The following EYA4 variants were observed in gnomAD, a reference collection of about 807,000 sequenced individuals.
EYA4 encodes protein phosphatase EYA4.
EYA4 carries 31 observed loss-of-function variants against 87.9 expected under a neutral mutation model. The observed-to-expected ratio is 0.35, with a 90% confidence interval of 0.27 to 0.48. The LOEUF (loss-of-function observed/expected upper bound fraction) is 0.48, where lower values mean the gene tolerates loss of function less well. EYA4 is among the 20% of genes least tolerant of loss of function. The pLI is 0.99. For synonymous variants in EYA4, 263 were observed against 270.6 expected, an observed-to-expected ratio of 0.97 and a Z score of 0.28; for missense variants, 678 against 761.4, an observed-to-expected ratio of 0.89 and a Z score of 1.29.
chr6:133,254,131 G>A (rs559022189), intron 1 of EYA4, among the ~76,000 whole-genome samples: 4 of 152,282 alleles, frequency 2.6e-5, no homozygotes, highest in African/African-American at 7.2e-5. Context: ...AAACAGGTAT[G>A]TCCGGCGTAC....
chr6:133,377,286 A>G lies in EYA4; in HGVS notation c.34-5106A>G, dbSNP rs181868711. The stretch of plus-strand genomic sequence containing the variant: ...TCATTTTACTCTCAATATCAAAAAT[A>G]CTAAGATATTCTACTTCCTCTTTTT... On this transcript the variant is annotated intron_variant, in intron 2 of 19. Transcript: ENST00000355286. 2.3e-3 allele frequency among the ~76,000 whole-genome samples: 353 copies of G among 152,220 alleles called. 3 individuals are homozygous for G. Among genetic ancestry groups the G allele is most frequent in the Non-Finnish European group, 4.1e-3 (279 of 67,972 alleles).
At chr6:133,414,220 A>G (rs2128547401) in intron 3 of EYA4, among the ~76,000 whole-genome samples, 1 of 151,660 alleles carries the variant, frequency 6.6e-6, no homozygotes, top group Admixed American at 6.6e-5. Flanking sequence ...GCTCATCTCC[A>G]TGTCTTGGTT....
intron 13 of EYA4, among the ~76,000 whole-genome samples, chr6:133,489,622 A>T (rs1359370971): frequency 2.1e-5 from 3 of 144,340 alleles, no homozygotes; most frequent in Non-Finnish European, 4.5e-5. Flanking sequence ...CTGAAGGATT[A>T]AAAAAAAAAA....
chr6:133,399,918 G>A (rs1788116045), intron 3 of EYA4, among the ~76,000 whole-genome samples: 2 of 152,218 alleles, frequency 1.3e-5, no homozygotes, highest in South Asian at 4.1e-4. Flanking sequence ...TATAATTACT[G>A]GGAAAACATA....
intron 11 of EYA4, among the ~76,000 whole-genome samples, chr6:133,469,960 G>C (rs896584930): frequency 1.3e-5 from 2 of 151,676 alleles, no homozygotes; most frequent in Non-Finnish European, 2.9e-5. Context: ...TTGTAAATTT[G>C]TTTGAGTTCA....
intron 13 of EYA4, among the ~76,000 whole-genome samples, chr6:133,487,807 C>T (rs147089497): frequency 5.9e-5 from 9 of 152,258 alleles, no homozygotes; most frequent in African/African-American, 7.2e-5. Flanking sequence ...ATATTCCTAG[C>T]TGTGGTGGCT....
intron 3 of EYA4, among the ~76,000 whole-genome samples, chr6:133,443,244 G>T (rs1399461800): frequency 6.6e-6 from 1 of 151,676 alleles, no homozygotes; most frequent in Non-Finnish European, 1.5e-5. Flanking sequence ...GTTTGCTAGT[G>T]TTTATTAATT....
intron 1 of EYA4, among the ~76,000 whole-genome samples, chr6:133,270,588 C>G (rs1776609388): frequency 1.3e-5 from 2 of 152,114 alleles, no homozygotes; most frequent in South Asian, 4.1e-4. Context: ...CTTCTACTAC[C>G]CATTCTGTAT....
chr6:133,457,188 C>G (rs1345169012), intron 6 of EYA4, among the ~76,000 whole-genome samples: 2 of 152,108 alleles, frequency 1.3e-5, no homozygotes, highest in African/African-American at 4.8e-5. Flanking sequence ...TGAGAGCGCT[C>G]GAATGCTTCA....
At chr6:133,387,144 T>TA (rs1406191810) in intron 3 of EYA4, among the ~76,000 whole-genome samples, 2 of 152,162 alleles carry the variant, frequency 1.3e-5, no homozygotes, top group Non-Finnish European at 2.9e-5. Context: ...TGCAACAGCT[T>TA]AAAAAAATGA....
chr6:133,330,519 A>G (rs1582977138), intron 2 of EYA4, among the ~76,000 whole-genome samples: 1 of 150,458 alleles, frequency 6.6e-6, no homozygotes, highest in Non-Finnish European at 1.5e-5. Flanking sequence ...AGAAATGACA[A>G]ATATCAAAAC....
At position 133,383,237 on chromosome 6, in the gene EYA4, A is replaced by G. The variant is rs940743836; in HGVS notation, c.83+796A>G. On this transcript the variant is annotated intron_variant, in intron 3 of 19. Coordinates refer to ENST00000355286, the MANE Select transcript of EYA4 (RefSeq NM_004100.5). ...GTGCATGTAGTGATTTTCTTGGTAC[A>G]TGAAAACATTGCATATCTAGGTAAA... 3.9e-5 allele frequency among the ~76,000 whole-genome samples: 6 copies of G among 152,232 alleles called. 1 individual carries two copies. The highest frequency in any genetic ancestry group is 4.1e-4 in the South Asian group (2 of 4,836).
At chr6:133,365,119 T>C (rs73559647) in intron 2 of EYA4, among the ~76,000 whole-genome samples, 3,100 of 152,234 alleles carry the variant, frequency 0.02, 110 homozygotes, top group African/African-American at 0.071. Flanking sequence ...GGAATTCAAA[T>C]TTATTCTGGT....
intron 3 of EYA4, among the ~76,000 whole-genome samples, chr6:133,427,507 T>A (rs897038755): frequency 3.3e-5 from 5 of 152,224 alleles, no homozygotes; most frequent in Admixed American, 1.3e-4. Context: ...TGTGATGATA[T>A]CTGTATTTTG....
chr6:133,396,203 T>C (rs1183234777), intron 3 of EYA4, among the ~76,000 whole-genome samples: 1 of 152,242 alleles, frequency 6.6e-6, no homozygotes, highest in Admixed American at 6.5e-5. Flanking sequence ...TTCTGTCATG[T>C]GATTAATTTG....
At chr6:133,491,866 G>A (rs1366400240) in intron 13 of EYA4, among the ~76,000 whole-genome samples, 1 of 150,770 alleles carries the variant, frequency 6.6e-6, no homozygotes, top group Non-Finnish European at 1.5e-5. Flanking sequence ...GCAGGAGAAG[G>A]GCGTGAACCT....
At chr6:133,298,332 G>A (rs1779102599) in intron 2 of EYA4, among the ~76,000 whole-genome samples, 1 of 152,098 alleles carries the variant, frequency 6.6e-6, no homozygotes, top group South Asian at 2.1e-4. Context: ...GACGAATCCG[G>A]CTTCTTTTGA....
intron 3 of EYA4, among the ~76,000 whole-genome samples, chr6:133,438,290 A>G (rs1052091305): frequency 4.9e-4 from 75 of 151,542 alleles, no homozygotes; most frequent in African/African-American, 1.6e-3. Context: ...TGCCAAGGCT[A>G]TTTTTATTTT....
chr6:133,400,947 C>T (rs1788208829), intron 3 of EYA4, among the ~76,000 whole-genome samples: 1 of 152,130 alleles, frequency 6.6e-6, no homozygotes, highest in Non-Finnish European at 1.5e-5. Context: ...GGACACAGCT[C>T]AAGGTTTCCT....
Sources: allele counts gnomAD v4.1 joint callset (sites outside exome capture counted in the v4.1 genomes callset), GRCh38; gene constraint gnomAD v4.1.1; transcripts MANE v1.5; gene names NCBI Gene and HGNC (gene_info 2026-07-23, HGNC 2026-07-21).